Variants in MCTP2 observed in about 807,000 individuals in gnomAD.
The protein encoded by MCTP2 is multiple C2 and transmembrane domain containing 2.
A neutral mutation model predicts 111.6 loss-of-function variants in MCTP2; 132 were observed. The ratio of observed to expected loss-of-function variants is 1.18; its 90% CI spans 1.03 to 1.37. MCTP2 has a LOEUF of 1.37. Among genes scored for constraint, MCTP2 ranks in the 40% most tolerant of loss-of-function variants. The pLI is 0.00. For synonymous variants in MCTP2, 395 were observed against 387.7 expected, an observed-to-expected ratio of 1.02 and a Z score of -0.22; for missense variants, 1,183 against 1,067.9, an observed-to-expected ratio of 1.11 and a Z score of -1.50.
At chr15:94,370,529 T>C (rs1483501268) in intron 12 of MCTP2, among the ~76,000 whole-genome samples, 1 of 152,246 alleles carries the variant, frequency 6.6e-6, no homozygotes, top group Non-Finnish European at 1.5e-5. Flanking sequence ...ACTTCTCGCC[T>C]TTTGCTGCTC....
intron 17 of MCTP2, among the ~76,000 whole-genome samples, chr15:94,408,274 A>G (rs1382080696): frequency 2.6e-5 from 4 of 152,226 alleles, no homozygotes; most frequent in Non-Finnish European, 4.4e-5. Context: ...AAAGCTGGAA[A>G]AAAGAAATTT....
Position 94,479,170 on chromosome 15 carries a change from C to T in MCTP2, c.*136C>T. The T allele has an allele frequency of 1.3e-6, 1 of 782,270 alleles. No individual in the cohort carries two copies. Among genetic ancestry groups the T allele is most frequent in the South Asian group, 1.5e-5 (1 of 64,932 alleles). The allele number at this position is 782,270 out of a possible 1,614,324, so 48.5% of individuals were successfully genotyped here. A position where few individuals can be genotyped will look rare whatever the true frequency, so the allele number is the denominator to read the frequency against. ...TGGCACCCTCTGTATACTTCCTCCT[C>T]CTTCACGTGCACAGACATACACACA... On this transcript the variant is annotated 3_prime_UTR_variant, in exon 23 of 23. Coordinates refer to ENST00000357742, the MANE Select transcript of MCTP2 (RefSeq NM_001385001.1).
chr15:94,355,628 A>G (rs1243361239), intron 8 of MCTP2, among the ~76,000 whole-genome samples: 1 of 151,578 alleles, frequency 6.6e-6, no homozygotes, highest in Non-Finnish European at 1.5e-5. Context: ...CTCTATTTGG[A>G]CTAGTGAATC....
chr15:94,328,129 T>C (rs1288763108), intron 4 of MCTP2, among the ~76,000 whole-genome samples: 1 of 115,642 alleles, frequency 8.6e-6, no homozygotes, highest in Non-Finnish European at 1.7e-5. Flanking sequence ...TTTATTTCTT[T>C]TCTTTTTTTT....
intron 17 of MCTP2, 80 bp downstream of exon 17, chr15:94,402,099 G>A (rs888866815): frequency 5.3e-6 from 8 of 1,508,618 alleles, no homozygotes; most frequent in Non-Finnish European, 7.2e-6. Flanking sequence ...TACAGCGTAG[G>A]TGATTACGTG....
intron 19 of MCTP2, among the ~76,000 whole-genome samples, chr15:94,452,662 G>A (rs960414724): frequency 2.0e-5 from 3 of 152,228 alleles, no homozygotes; most frequent in South Asian, 2.1e-4. Context: ...TAAAACAGCC[G>A]GGTCTTATCT....
At chr15:94,288,984 G>A (rs988462707) in intron 1 of MCTP2, among the ~76,000 whole-genome samples, 6 of 152,132 alleles carry the variant, frequency 3.9e-5, no homozygotes, top group Admixed American at 1.3e-4. Flanking sequence ...TCTGAAGAAA[G>A]AAGAAGATTG....
intron 2 of MCTP2, among the ~76,000 whole-genome samples, chr15:94,304,420 T>G (rs1342590478): frequency 1.3e-5 from 2 of 152,150 alleles, no homozygotes; most frequent in African/African-American, 2.4e-5. Context: ...CCAGCAAGGG[T>G]GACAGGGCAA....
chr15:94,377,076 T>C (rs2079816299), intron 12 of MCTP2, among the ~76,000 whole-genome samples: 1 of 152,328 alleles, frequency 6.6e-6, no homozygotes, highest in African/African-American at 2.4e-5. Context: ...GACTACAAGT[T>C]TTTTTATATT....
At chr15:94,274,802 TA>T (rs2074100801) in intron 1 of MCTP2, among the ~76,000 whole-genome samples, 2 of 152,204 alleles carry the variant, frequency 1.3e-5, no homozygotes, top group Non-Finnish European at 2.9e-5. Context: ...CCACCAATTT[TA>T]CACAAACTTT....
rs563874127 is a variant in MCTP2, at chr15:94,473,462, T to C, written c.2470+3020T>C. Among the ~76,000 whole-genome samples, 207 of 152,352 alleles carry C rather than the reference T, an allele frequency of 1.4e-3. 1 individual carries two copies. Among genetic ancestry groups the C allele is most frequent in the African/African-American group, 4.9e-3 (202 of 41,584 alleles). On this transcript the variant is annotated intron_variant, in intron 21 of 22. Transcript: ENST00000357742. The stretch of plus-strand genomic sequence containing the variant: ...TTTTAAGGATATCTGAAGTTTTCTT[T>C]AGGAAACATTATCTACTGCATTTTA...
intron 21 of MCTP2, among the ~76,000 whole-genome samples, chr15:94,475,527 A>T (rs988303970): frequency 9.2e-5 from 14 of 152,200 alleles, no homozygotes; most frequent in Admixed American, 3.3e-4. Flanking sequence ...GAACAGTTAA[A>T]TGTTACCTTG....
chr15:94,390,303 T>C (rs2080879261), intron 14 of MCTP2, among the ~76,000 whole-genome samples: 1 of 152,026 alleles, frequency 6.6e-6, no homozygotes, highest in Non-Finnish European at 1.5e-5. Flanking sequence ...GAATGCGTTA[T>C]AATCTGAAGA....
At chr15:94,304,195 A>C (rs1414869289) in intron 2 of MCTP2, among the ~76,000 whole-genome samples, 1 of 152,204 alleles carries the variant, frequency 6.6e-6, no homozygotes, top group Non-Finnish European at 1.5e-5. Flanking sequence ...TAATCCCAGC[A>C]CTTTGGGAGG....
At chr15:94,266,058 A>G (rs1380581319) in intron 1 of MCTP2, among the ~76,000 whole-genome samples, 1 of 131,302 alleles carries the variant, frequency 7.6e-6, no homozygotes, top group Non-Finnish European at 1.6e-5. Flanking sequence ...TGCTGTACAC[A>G]TACACGTGCA....
chr15:94,329,696 A>C lies in MCTP2; in HGVS notation c.638-9594A>C, dbSNP rs563987482. 2.0e-4 allele frequency among the ~76,000 whole-genome samples: 31 copies of C among 152,250 alleles called. No homozygotes were observed. The South Asian group carries it at 6.2e-3, about 31-fold the overall frequency. ...CCCCACCTCCAACATTAGGGATTACACCTCAATATGAGGTGTGGATGGGGA... is the reference window on the plus strand; with the variant it reads ...CCCCACCTCCAACATTAGGGATTACCCCTCAATATGAGGTGTGGATGGGGA... On this transcript the variant is annotated intron_variant, in intron 4 of 22. Coordinates refer to ENST00000357742, the MANE Select transcript of MCTP2 (RefSeq NM_001385001.1).
intron 17 of MCTP2, among the ~76,000 whole-genome samples, chr15:94,408,763 GA>G (rs1394823907): frequency 6.6e-6 from 1 of 152,208 alleles, no homozygotes; most frequent in African/African-American, 2.4e-5. Flanking sequence ...TAGATCGACT[GA>G]AATCACTTAT....
chr15:94,367,356 CTT>C (rs1452719200), intron 10 of MCTP2, among the ~76,000 whole-genome samples: 2 of 152,186 alleles, frequency 1.3e-5, no homozygotes, highest in Non-Finnish European at 2.9e-5. Flanking sequence ...CCACTCCTCT[CTT>C]TTCATTTTCC....
intron 1 of MCTP2, among the ~76,000 whole-genome samples, chr15:94,263,722 C>T (rs1224401212): frequency 4.9e-4 from 74 of 152,202 alleles, no homozygotes; most frequent in Non-Finnish European, 2.9e-5. Context: ...AGAGCTGAAA[C>T]AAGAAGGCAG....
Sources: allele counts gnomAD v4.1 joint callset (sites outside exome capture counted in the v4.1 genomes callset), GRCh38; gene constraint gnomAD v4.1.1; transcripts MANE v1.5; gene names NCBI Gene and HGNC (gene_info 2026-07-23, HGNC 2026-07-21).